Variants in POLE observed in about 807,000 individuals in gnomAD.
POLE encodes the protein DNA polymerase epsilon catalytic subunit A.
Under a neutral mutation model 279.2 loss-of-function variants are expected in POLE, and 188 were observed. That is an observed-to-expected ratio of 0.67 (90% CI 0.60 to 0.76). The LOEUF (loss-of-function observed/expected upper bound fraction) is 0.76, where lower values mean the gene tolerates loss of function less well. Ranked by LOEUF, POLE falls within the 30% of genes least tolerant of loss-of-function variation. The pLI, the probability that POLE is intolerant of heterozygous loss-of-function variation, is 0.00. For synonymous variants in POLE, 1,214 were observed against 1,172.5 expected, an observed-to-expected ratio of 1.04 and a Z score of -0.72; for missense variants, 2,703 against 3,016.7, an observed-to-expected ratio of 0.90 and a Z score of 2.44.
Position 132,672,214 on chromosome 12 carries a change from C to A in POLE, c.1794+1G>T. 6.2e-7 allele frequency: 1 copy of A among 1,609,102 alleles called. No individual in the cohort carries two copies. The highest frequency in any genetic ancestry group is 8.5e-7 in the Non-Finnish European group (1 of 1,175,374). The stretch of plus-strand genomic sequence containing the variant: ...GCTCTTCCTGCCTCCCTGATGGTTA[C>A]CTCTTCAAAGTTGGTGACTTGCTCC... On this transcript the variant is annotated splice_donor_variant, in intron 16 of 48. Transcript: ENST00000320574. LOFTEE classifies it high-confidence loss of function.
rs368659272 is a variant in POLE at position 132,643,388 on chromosome 12, C to T, written c.4444+19G>A. ...GTGTGGGAGGCAGGCACATGATGGGCGGCTGGTGCAGGCCATACCTGGTTC... is the reference window on the plus strand; with the variant it reads ...GTGTGGGAGGCAGGCACATGATGGGTGGCTGGTGCAGGCCATACCTGGTTC... On this transcript the variant is annotated intron_variant, in intron 34 of 48. Coordinates refer to ENST00000320574, the MANE Select transcript of POLE (RefSeq NM_006231.4). 36 of 1,614,076 alleles carry T rather than the reference C, an allele frequency of 2.2e-5. No individual in the cohort carries two copies. Among genetic ancestry groups the T allele is most frequent in the African/African-American group, 1.3e-4 (10 of 74,940 alleles).
intron 16 of POLE, 120 bp downstream of exon 16, chr12:132,672,095 T>C (rs1275435909): frequency 2.8e-6 from 2 of 710,612 alleles, no homozygotes; most frequent in Non-Finnish European, 5.0e-6. Context: ...CCAGAGACCC[T>C]GTGTCATCCG....
Position 132,672,807 on chromosome 12 carries a change from C to T in POLE, c.1506G>A (p.Glu502=), listed in dbSNP as rs939037449. The T allele has an allele frequency of 6.2e-7, 1 of 1,614,188 alleles. No individual in the cohort carries two copies. Among genetic ancestry groups the T allele is most frequent in the African/African-American group, 1.3e-5 (1 of 75,062 alleles). ...GGAAGGCCTGCACCATCAGCAAGGC[C>T]TCACACAGAGTGCCAGAGCCCTTCC... is the stretch of plus-strand genomic sequence containing the variant. ...VLRKGSGTLC[E]ALLMVQAFHA... is the part of the protein sequence containing the mutation. Residue 502 remains glutamate, a synonymous_variant, in exon 15 of 49, where the codon GAG becomes GAA. Transcript: ENST00000320574.
Position 132,642,916 on chromosome 12 carries a change from C to T in POLE, c.4632G>A (p.Glu1544=), listed in dbSNP as rs1555222727. ...AGGTGTGTTTGGGGGGTGGCAGGAG[C>T]TCAGGGCCCACCTTCTCCAGGAGGA... ...HGLLLEKVGP[E]LLPPPKHTFE... is the part of the protein sequence containing the mutation. The change falls in exon 36 of 49, where the codon GAG becomes GAA. Residue 1544 remains glutamate (E), a synonymous_variant. Coordinates refer to ENST00000320574, the MANE Select transcript of POLE (RefSeq NM_006231.4). 1 of 1,613,200 alleles carries T rather than the reference C, an allele frequency of 6.2e-7. No individual in the cohort carries two copies. The highest frequency in any genetic ancestry group is 8.5e-7 in the Non-Finnish European group (1 of 1,179,740).
At chr12:132,653,515 A>C (rs1027492904) in intron 29 of POLE, among the ~76,000 whole-genome samples, 10 of 152,260 alleles carry the variant, frequency 6.6e-5, no homozygotes, top group Non-Finnish European at 1.3e-4. Context: ...AAATGAAAGC[A>C]ATAGACTTTT....
Position 132,661,460 on chromosome 12 carries a change from T to TC in POLE, c.2864+66dup, listed in dbSNP as rs1219562594. 3 of 1,545,616 alleles carry TC rather than the reference T, an allele frequency of 1.9e-6. No individual in the cohort carries two copies. In the African/African-American group the frequency reaches 4.1e-5, roughly 21 times the overall value. ...TCCTGGCTCCTGATCCAACCTCCTT[T>TC]CTGGGCTAAATTTAATCTATCTCAA... On this transcript the variant is annotated intron_variant, in intron 24 of 48. Coordinates refer to ENST00000320574, the MANE Select transcript of POLE (RefSeq NM_006231.4). This position sits in a 1 kb window ranked among gnomAD's most constrained non-coding sequence, Gnocchi z 4.1.
rs5745074 is a variant in POLE, at chr12:132,625,799, C to A, written c.6532-29G>T. ...GGCAGAGCAAGAGTGCGAGAGGTCA[C>A]CAGCCCAGCCTCCAGACCACAGTGC... On this transcript the variant is annotated intron_variant, in intron 46 of 48. Transcript: ENST00000320574. The A allele has an allele frequency of 4.3e-4, 696 of 1,602,038 alleles. 5 individuals carry two copies. In the African/African-American group the frequency reaches 8.2e-3, roughly 19 times the overall value.
chr12:132,683,271 C>T (rs551680622), intron 1 of POLE, among the ~76,000 whole-genome samples: 34 of 152,102 alleles, frequency 2.2e-4, no homozygotes, highest in Non-Finnish European at 4.3e-4. Flanking sequence ...CACAAGAATC[C>T]TTGTAGAGTG....
intron 12 of POLE, among the ~76,000 whole-genome samples, chr12:132,674,931 C>T (rs2043011328): frequency 6.6e-6 from 1 of 151,126 alleles, no homozygotes. Context: ...TTGGCATTTC[C>T]ACATCCACCT....
At chr12:132,640,055 C>T in intron 39 of POLE, among the ~76,000 whole-genome samples, 1 of 152,238 alleles carries the variant, frequency 6.6e-6, no homozygotes, top group East Asian at 1.9e-4. Flanking sequence ...GGCCTCTCTC[C>T]CGCCTAGCAG....
intron 32 of POLE, among the ~76,000 whole-genome samples, chr12:132,646,111 C>A (rs1227507886): frequency 1.3e-5 from 2 of 152,146 alleles, no homozygotes; most frequent in African/African-American, 4.8e-5. Context: ...GACTCAGGTG[C>A]CAGCTTGAAG....
At chr12:132,640,298 T>C (rs2042116188) in intron 39 of POLE, among the ~76,000 whole-genome samples, 1 of 152,144 alleles carries the variant, frequency 6.6e-6, no homozygotes, top group East Asian at 1.9e-4. Context: ...TTGTTCCCTA[T>C]TGTGGTGGTG....
chr12:132,643,610 T>C, intron 33 of POLE, 50 bp from the exon 34 acceptor site: 1 of 1,610,120 alleles, frequency 6.2e-7, no homozygotes, highest in Non-Finnish European at 8.5e-7. Flanking sequence ...GTGGGGGCTC[T>C]GGCTGCCCAC....
In POLE at chr12:132,645,973, C is replaced by T. The variant is rs1342036638; in HGVS notation, c.4150-1996G>A. 4.6e-5 allele frequency among the ~76,000 whole-genome samples: 7 copies of T among 152,154 alleles called. No homozygotes were observed. In the East Asian group the frequency reaches 1.2e-3, roughly 25 times the overall value. ...TCTAAGCTTGGTTTCTCAACATAAC[C>T]TCTCAACGAGGCTCAGGCTCTTTAG... On this transcript the variant is annotated intron_variant, in intron 32 of 48. Transcript: ENST00000320574.
chr12:132,682,813 C>T (rs1204637291), intron 1 of POLE, among the ~76,000 whole-genome samples: 2 of 150,368 alleles, frequency 1.3e-5, no homozygotes, highest in East Asian at 2.0e-4. Context: ...ATTAGCCGGG[C>T]GTGGTGGCGG....
In POLE at chr12:132,638,034, G is replaced by C. The variant is rs369346799; in HGVS notation, c.5658C>G (p.Tyr1886Ter). 6.2e-7 allele frequency: 1 copy of C among 1,613,994 alleles called. No homozygotes were observed. The highest frequency in any genetic ancestry group is 8.5e-7 in the Non-Finnish European group (1 of 1,179,936). Residue 1886 changes from tyrosine to a stop codon, truncating the protein, a stop_gained, in exon 41 of 49, where the codon TAC becomes TAG. Transcript: ENST00000320574. LOFTEE classifies it high-confidence loss of function. ...CGCACCTGCTGGTGATGTACTCCACGTAAGCGATGGCATCTTCCACACGGC... is the reference window on the plus strand; with the variant it reads ...CGCACCTGCTGGTGATGTACTCCACCTAAGCGATGGCATCTTCCACACGGC... ...KKRRVEDAIAYVEYITSSIHS... is the reference protein window; with the variant it reads ...KKRRVEDAIA
Position 132,642,658 on chromosome 12 carries a change from A to T in POLE, c.4800T>A (p.Ile1600=). 6.2e-7 allele frequency: 1 copy of T among 1,613,414 alleles called. No homozygotes were observed. Among genetic ancestry groups the T allele is most frequent in the East Asian group, 2.2e-5 (1 of 44,878 alleles). Residue 1600 remains isoleucine, a synonymous_variant, in exon 37 of 49, where the codon ATT becomes ATA. Transcript: ENST00000320574. The stretch of plus-strand genomic sequence containing the variant: ...CCAGTGGGAATTCCTCCAAGACAGG[A>T]ATTTCACTGGCCAGCCTCTTCAGCT... ...SWELKRLASE[I]PVLEEFPLVP...
intron 45 of POLE, 90 bp downstream of exon 45, chr12:132,632,225 G>A (rs1220299500): frequency 1.0e-5 from 10 of 980,868 alleles, no homozygotes; most frequent in East Asian, 2.5e-5. Context: ...CATGGTGCAC[G>A]CATTACAGCC....
intron 19 of POLE, 135 bp from the exon 20 acceptor site, chr12:132,667,783 C>G (rs1457367614): frequency 1.0e-6 from 1 of 968,808 alleles, no homozygotes; most frequent in Non-Finnish European, 1.6e-6. Flanking sequence ...CTGCTAGTTT[C>G]TCATACCGAA....
Sources: gnomAD v4.1 joint callset for allele counts (sites outside exome capture counted in the v4.1 genomes callset) on GRCh38, gnomAD v4.1.1 for gene constraint, Gnocchi (gnomAD v3.1) non-coding constraint, MANE v1.5 for transcripts, NCBI Gene and HGNC (gene_info 2026-07-23, HGNC 2026-07-21) for gene names.